LARP7: variants seen among roughly 807,000 people sequenced by gnomAD.
The protein encoded by LARP7 is La ribonucleoprotein 7, transcriptional regulator.
LARP7 carries 52 observed loss-of-function variants against 69.3 expected under a neutral mutation model. That is an observed-to-expected ratio of 0.75 (90% CI 0.60 to 0.95). The LOEUF is 0.95. Ranked by LOEUF, LARP7 falls within the 40% of genes least tolerant of loss-of-function variation. The pLI is 0.00. For synonymous variants in LARP7, 254 were observed against 215.9 expected (o/e 1.18, Z -1.55); for missense variants, 733 against 673.0 (o/e 1.09, Z -0.99).
At chr4:112,639,041 T>TA (rs2149246560) in intron 1 of LARP7, among the ~76,000 whole-genome samples, 2 of 152,296 alleles carry the variant, frequency 1.3e-5, no homozygotes, top group East Asian at 3.9e-4. Flanking sequence ...TGGGACAACT[T>TA]ACTTAGCTAG....
In LARP7 at chr4:112,647,602, TTTTTAATTAATTAGG is replaced by T. The variant is rs761511399; in HGVS notation, c.997+62_998-65del. On this transcript the variant is annotated intron_variant, in intron 7 of 12. Coordinates refer to ENST00000344442, the MANE Select transcript of LARP7 (RefSeq NM_016648.4). Reference sequence around the variant, plus strand: ...AAACTAATTAATTTTAATTAATTAGTTTTTAATTAATTAGGTTTTAATTGGCTTCTGTTTCACCCA... The same window carrying T: ...AAACTAATTAATTTTAATTAATTAGTTTTTAATTGGCTTCTGTTTCACCCA... 5 of 1,460,234 alleles carry T rather than the reference TTTTTAATTAATTAGG, an allele frequency of 3.4e-6. No homozygotes were observed. In the African/African-American group the frequency reaches 4.3e-5, roughly 13 times the overall value. The allele number at this position is 1,460,234 out of a possible 1,614,324, so 90.5% of individuals were successfully genotyped here.
chr4:112,647,627 G>T, intron 7 of LARP7, 63 bp from the exon 8 acceptor site: 2 of 1,292,558 alleles, frequency 1.5e-6, no homozygotes, highest in Middle Eastern at 3.0e-4. Flanking sequence ...GTTTTAATTG[G>T]CTTCTGTTTC....
At position 112,647,925 on chromosome 4, in the gene LARP7, A is replaced by G. The variant is rs1578600788; in HGVS notation, c.1142+91A>G. 7 of 961,336 alleles carry G rather than the reference A, an allele frequency of 7.3e-6. No individual in the cohort carries two copies. In the East Asian group the frequency reaches 1.7e-4, roughly 24 times the overall value. The allele number at this position is 961,336 out of a possible 1,614,324, so 59.6% of individuals were successfully genotyped here. ...CAATTTATATTCAACAGAGTTGCAT[A>G]TTAGCAACAGTAATGGCCTGTAGCC... On this transcript the variant is annotated intron_variant, in intron 8 of 12. Transcript: ENST00000344442.
Position 112,646,649 on chromosome 4 carries a change from A to T in LARP7, c.365A>T (p.Glu122Val). Residue 122 changes from glutamate (E) to valine (V), a missense_variant, in exon 4 of 13, where the codon GAG becomes GTG. By Grantham distance (121) the Glu-to-Val change is moderately radical. Coordinates refer to ENST00000344442, the MANE Select transcript of LARP7 (RefSeq NM_016648.4). The stretch of plus-strand genomic sequence containing the variant: ...CCTCTGGGGGAAAGACCAAAGGATG[A>T]GGATGAACGCACAGTGTATGTGGTA... ...KKPLGERPKD[E>V]DERTVYVELL... 6.2e-7 allele frequency: 1 copy of T among 1,606,180 alleles called. No homozygotes were observed. The highest frequency in any genetic ancestry group is 8.5e-7 in the Non-Finnish European group (1 of 1,175,836).
At chr4:112,645,173 C>T (rs1485989065) in intron 2 of LARP7, among the ~76,000 whole-genome samples, 5 of 152,018 alleles carry the variant, frequency 3.3e-5, no homozygotes, top group African/African-American at 7.2e-5. Context: ...TCTCGAACTC[C>T]TGACCTTGTG....
Position 112,644,890 on chromosome 4 carries a change from A to G in LARP7, c.202+19A>G, listed in dbSNP as rs745307931. On this transcript the variant is annotated intron_variant, in intron 2 of 12. Transcript: ENST00000344442. The stretch of plus-strand genomic sequence containing the variant: ...GATGGATGTAAGTTTGCTTCAGTAA[A>G]GGAACCAATTTTTAGATATGGTTGC... 1.5e-6 allele frequency: 2 copies of G among 1,378,814 alleles called. No individual in the cohort carries two copies. Among genetic ancestry groups the G allele is most frequent in the Admixed American group, 2.2e-5 (1 of 44,964 alleles). 85.4% of individuals were successfully genotyped at this position (1,378,814 alleles called of 1,614,324 possible). A position where few individuals can be genotyped will look rare whatever the true frequency, so the allele number is the denominator to read the frequency against.
chr4:112,654,083 G>C lies in LARP7; in HGVS notation c.1592G>C (p.Arg531Thr). 1 of 1,613,320 alleles carries C rather than the reference G, an allele frequency of 6.2e-7. No individual in the cohort carries two copies. The highest frequency in any genetic ancestry group is 8.5e-7 in the Non-Finnish European group (1 of 1,179,382). Residue 531 changes from arginine (R) to threonine (T), a missense_variant, in exon 12 of 13, where the codon AGG becomes ACG. Transcript: ENST00000344442. ...TGTTTTTAAGGTGATCACGAACAAA[G>C]GTATTGGCAGAAGATTTTGGTTGAT... ...LEILSGDHEQ[R>T]YWQKILVDRQ...
chr4:112,650,049 C>G, intron 9 of LARP7: 3 of 184,994 alleles, frequency 1.6e-5, no homozygotes, highest in Non-Finnish European at 3.4e-5. Flanking sequence ...AGCAGAATTC[C>G]TATGAATTCA....
chr4:112,644,837 T>G lies in LARP7; in HGVS notation c.168T>G (p.Phe56Leu). Residue 56 changes from phenylalanine (F) to leucine (L), a missense_variant, in exon 2 of 13, where the codon TTT (phenylalanine) becomes TTG (leucine). By Grantham distance (22) the Phe-to-Leu change is conservative. Transcript: ENST00000344442. ...ATGCAAATCTTCACAAGGATAGATT[T>G]CTTCGAGAACAGATAGAAAAATCTA... ...FGDANLHKDR[F>L]LREQIEKSRD... is the part of the protein sequence containing the mutation. The G allele has an allele frequency of 6.2e-7, 1 of 1,602,218 alleles. No homozygotes were observed. The highest frequency in any genetic ancestry group is 1.1e-5 in the South Asian group (1 of 89,350).
intron 8 of LARP7, chr4:112,648,660 G>C: frequency 2.5e-6 from 1 of 399,432 alleles, no homozygotes; most frequent in East Asian, 7.3e-5. Context: ...TTACCTTCCT[G>C]AACTAGTTCC....
chr4:112,642,661 A>G (rs1578558757), intron 1 of LARP7, among the ~76,000 whole-genome samples: 1 of 152,248 alleles, frequency 6.6e-6, no homozygotes, highest in Admixed American at 6.5e-5. Flanking sequence ...TCATCCCACC[A>G]GAGGCCACCA....
At chr4:112,643,590 A>G (rs927293432) in intron 1 of LARP7, among the ~76,000 whole-genome samples, 9 of 152,124 alleles carry the variant, frequency 5.9e-5, no homozygotes, top group Non-Finnish European at 1.3e-4. Flanking sequence ...GCTCACACCT[A>G]TAATCCCAGC....
intron 2 of LARP7, 74 bp downstream of exon 2, chr4:112,644,945 CTTTTT>C: frequency 9.1e-5 from 15 of 165,060 alleles, no homozygotes; most frequent in Non-Finnish European, 1.2e-4. Flanking sequence ...ATAATATATT[CTTTTT>C]TTTTTTTTTT....
intron 12 of LARP7, among the ~76,000 whole-genome samples, chr4:112,656,059 G>A (rs1190299807): frequency 1.3e-5 from 2 of 152,136 alleles, no homozygotes; most frequent in Admixed American, 1.3e-4. Context: ...CTACAATAGT[G>A]TTGTATTTGG....
intron 1 of LARP7, among the ~76,000 whole-genome samples, chr4:112,639,248 C>CGCCCAGGTTGGAGTGCAGTGGCACGATCT (rs1407706038): frequency 2.7e-5 from 4 of 150,152 alleles, no homozygotes; most frequent in Non-Finnish European, 4.4e-5. Context: ...CTTGCCCTGC[C>CGCCCAGGTTGGAGTGCAGTGGCACGATCT]GCCCAGGTTG....
In LARP7 at chr4:112,644,829, G is replaced by C; in HGVS notation, c.160G>C (p.Asp54His). 2 of 1,604,436 alleles carry C rather than the reference G, an allele frequency of 1.2e-6. No individual in the cohort carries two copies. The highest frequency in any genetic ancestry group is 1.7e-6 in the Non-Finnish European group (2 of 1,174,104). Residue 54 changes from aspartate (D) to histidine (H), a missense_variant, in exon 2 of 13, where the codon GAT becomes CAT. Transcript: ENST00000344442. ...FWFGDANLHK[D>H]RFLREQIEKS... Reference sequence around the variant, plus strand: ...GTTTGGGGATGCAAATCTTCACAAGGATAGATTTCTTCGAGAACAGATAGA... The same window carrying C: ...GTTTGGGGATGCAAATCTTCACAAGCATAGATTTCTTCGAGAACAGATAGA...
At chr4:112,637,644 G>T (rs1399460493) in intron 1 of LARP7, 1 of 152,252 alleles carries the variant, frequency 6.6e-6, no homozygotes, top group Non-Finnish European at 1.5e-5. Context: ...TCTTTTGCAG[G>T]ACTCTGCCAT....
At chr4:112,643,412 G>A (rs2048035516) in intron 1 of LARP7, among the ~76,000 whole-genome samples, 1 of 152,160 alleles carries the variant, frequency 6.6e-6, no homozygotes, top group African/African-American at 2.4e-5. Flanking sequence ...GACATTGCTG[G>A]GTGAGCTTCA....
intron 1 of LARP7, chr4:112,644,459 A>G: frequency 8.4e-7 from 1 of 1,195,484 alleles, no homozygotes; most frequent in Non-Finnish European, 1.1e-6. Context: ...AGGTACAAAG[A>G]AACTAAAGCT....
Sources: allele counts gnomAD v4.1 joint callset (sites outside exome capture counted in the v4.1 genomes callset), GRCh38; gene constraint gnomAD v4.1.1; transcripts MANE v1.5; gene names NCBI Gene and HGNC (gene_info 2026-07-23, HGNC 2026-07-21).